Variants in TRAPPC2L observed in about 807,000 individuals in gnomAD.
TRAPPC2L encodes the protein trafficking protein particle complex subunit 2-like protein.
In TRAPPC2L, 17 loss-of-function variants were observed where a neutral mutation model predicts 13.2. The observed-to-expected ratio is 1.29, with a 90% confidence interval of 0.88 to 1.93. TRAPPC2L has a LOEUF of 1.93. TRAPPC2L is among the 30% of genes most tolerant of loss of function. The pLI is 0.00. For missense variants in TRAPPC2L, 359 were observed against 252.1 expected, an observed-to-expected ratio of 1.42 and a Z score of -2.87; for synonymous variants, 150 against 98.1, an observed-to-expected ratio of 1.53 and a Z score of -3.12.
exon 4 of TRAPPC2L, chr16:88,861,094 T>A (rs1968358672): frequency 1.2e-6 from 1 of 817,854 alleles, no homozygotes; most frequent in Non-Finnish European, 2.0e-6. Context: ...TTCTCTCAAC[T>A]AAAGGTCTTG....
chr16:88,861,262 G>A, exon 4 of TRAPPC2L: 1 of 438,988 alleles, frequency 2.3e-6, no homozygotes, highest in East Asian at 4.7e-5. Flanking sequence ...AGGGGTGCCT[G>A]GAGCCAAGAG....
At chr16:88,860,527 C>A in exon 4 of TRAPPC2L, 1 of 594,774 alleles carries the variant, frequency 1.7e-6, no homozygotes, top group Non-Finnish European at 3.0e-6. Context: ...TGCAGTGATC[C>A]AAGGCAGGCC....
exon 4 of TRAPPC2L, chr16:88,861,058 G>A (rs1440219719): frequency 8.3e-7 from 1 of 1,199,552 alleles, no homozygotes; most frequent in Non-Finnish European, 1.2e-6. Flanking sequence ...GACGCCTGGG[G>A]CTTTCAGGGC....
exon 4 of TRAPPC2L, chr16:88,860,212 C>T: frequency 1.4e-6 from 1 of 705,594 alleles, no homozygotes; most frequent in Non-Finnish European, 2.6e-6. Context: ...GTAGAGCTTG[C>T]CCATTTGGCT....
exon 3 of TRAPPC2L, chr16:88,859,738 C>A: frequency 6.2e-7 from 1 of 1,613,730 alleles, no homozygotes; most frequent in Non-Finnish European, 8.5e-7. Context: ...TTCGAGACAA[C>A]GAAATTCGCA....
chr16:88,858,706 G>C, exon 2 of TRAPPC2L: 1 of 1,613,626 alleles, frequency 6.2e-7, no homozygotes, highest in African/African-American at 1.3e-5. Flanking sequence ...CGTGGTGGAT[G>C]AGAAGATCTC....
upstream of TRAPPC2L, chr16:88,857,035 C>T (rs1172561118): frequency 7.0e-7 from 1 of 1,426,294 alleles, no homozygotes; most frequent in African/African-American, 1.5e-5. Context: ...CCTGGACTGC[C>T]TCGTGACCAG....
At chr16:88,856,595 C>A (rs867964763), upstream of TRAPPC2L, 1 of 548,236 alleles carries the variant, frequency 1.8e-6, no homozygotes, top group African/African-American at 2.0e-5. Flanking sequence ...CCCGTCCCCT[C>A]CCCCTCCTCC....
upstream of TRAPPC2L, chr16:88,856,488 T>G (rs1308139287): frequency 1.4e-6 from 1 of 699,396 alleles, no homozygotes; most frequent in South Asian, 1.5e-5. Context: ...TGCAGCACAG[T>G]GGCAGCGCGT....
In TRAPPC2L at chr16:88,858,945, A is replaced by T. The variant is rs1046758063; in HGVS notation, c.206+154A>T. On this transcript the variant is annotated intron_variant, in intron 2 of 3. Coordinates refer to ENST00000565504, the Ensembl canonical transcript of TRAPPC2L. ...AGCTTGAGGTGAATGAAGGCCTGTA[A>T]CTCTTCTCTTTCATTGGAAGAGCCA... is the stretch of plus-strand genomic sequence containing the variant. 6.7e-6 allele frequency: 5 copies of T among 741,528 alleles called. No individual in the cohort carries two copies. The East Asian group carries it at 1.1e-4, about 16-fold the overall frequency. 45.9% of individuals were successfully genotyped at this position (741,528 alleles called of 1,614,324 possible). A position where few individuals can be genotyped will look rare whatever the true frequency, so the allele number is the denominator to read the frequency against.
At position 88,858,624 on chromosome 16, in the gene TRAPPC2L, C is replaced by A; in HGVS notation, c.39C>A (p.Tyr13Ter). Residue 13 changes from tyrosine to a stop codon, truncating the protein, a stop_gained, in exon 2 of 4, where the codon TAC becomes TAA. Transcript: ENST00000565504. LOFTEE classifies it high-confidence loss of function. Reference sequence around the variant, plus strand: ...GCCGTCATCCTTTCTTGCAGAATTACCCCCTCTACATTCGCAGCACCCCTA... The same window carrying A: ...GCCGTCATCCTTTCTTGCAGAATTAACCCCTCTACATTCGCAGCACCCCTA... The A allele has an allele frequency of 1.2e-6, 2 of 1,612,662 alleles. No individual in the cohort carries two copies. The highest frequency in any genetic ancestry group is 1.7e-6 in the Non-Finnish European group (2 of 1,179,684).
upstream of TRAPPC2L, chr16:88,856,831 A>C (rs794729202): frequency 1.8e-5 from 27 of 1,523,268 alleles, no homozygotes; most frequent in Non-Finnish European, 2.2e-5. Flanking sequence ...GGCGCTGAGC[A>C]CCAGCAACAG....
rs148514448 is a variant in TRAPPC2L, at chr16:88,859,666, C to A, written c.210C>A (p.Tyr70Ter). ...CCTTCCCTAACCAGCTGTGCAGATA[C>A]GGCTACGTCACCAACTCCAAGGTGA... The change falls in exon 3 of 4, where the codon TAC becomes TAA. Residue 70 changes from tyrosine (Y) to a stop codon, truncating the protein, a stop_gained. Transcript: ENST00000565504. LOFTEE classifies it high-confidence loss of function. 2 of 1,613,764 alleles carry A rather than the reference C, an allele frequency of 1.2e-6. No homozygotes were observed. Among genetic ancestry groups the A allele is most frequent in the East Asian group, 2.2e-5 (1 of 44,898 alleles).
chr16:88,861,193 A>T, exon 4 of TRAPPC2L: 1 of 559,020 alleles, frequency 1.8e-6, no homozygotes, highest in Non-Finnish European at 3.2e-6. Flanking sequence ...GTGTGGGCAG[A>T]GGTTTGGGAT....
chr16:88,860,214 C>T, exon 4 of TRAPPC2L: 1 of 705,268 alleles, frequency 1.4e-6, no homozygotes, highest in Non-Finnish European at 2.6e-6. Context: ...AGAGCTTGCC[C>T]ATTTGGCTTC....
At chr16:88,857,352 C>A in intron 1 of TRAPPC2L, 169 bp downstream of exon 1, 2 of 606,442 alleles carry the variant, frequency 3.3e-6, no homozygotes, top group Non-Finnish European at 5.4e-6. Context: ...GCCAGGCAGA[C>A]CCTGACTGAG....
rs543304197 is a variant in TRAPPC2L, at chr16:88,861,810, C to T, written c.*1486C>T. ...CAAGGACCTTGAGGACCCCAGAAGC[C>T]CTTGCAGCAGGAAAGGCTGTAAGGG... On this transcript the variant is annotated 3_prime_UTR_variant, in exon 4 of 4. Coordinates refer to ENST00000565504, the Ensembl canonical transcript of TRAPPC2L. The T allele has an allele frequency of 1.1e-4, 40 of 372,964 alleles. 1 individual carries two copies. Among genetic ancestry groups the T allele is most frequent in the South Asian group, 7.6e-4 (40 of 52,812 alleles). 23.1% of individuals were successfully genotyped at this position (372,964 alleles called of 1,614,324 possible).
At chr16:88,857,211 G>T (rs1261773088) in intron 1 of TRAPPC2L, 28 bp downstream of exon 1, 1 of 1,530,752 alleles carries the variant, frequency 6.5e-7, no homozygotes. Flanking sequence ...GGGGCGTCCG[G>T]GCTCGCACCA....
At chr16:88,856,936 G>T, upstream of TRAPPC2L, 1 of 1,466,326 alleles carries the variant, frequency 6.8e-7, no homozygotes, top group African/African-American at 1.5e-5. Context: ...GCGTCCGCCG[G>T]CCCTTCCGGC....
Sources: allele counts gnomAD v4.1 joint callset, GRCh38; gene constraint gnomAD v4.1.1; transcripts MANE v1.5; gene names NCBI Gene and HGNC (gene_info 2026-07-23, HGNC 2026-07-21).